The following TIAM1 variants were observed in gnomAD, a reference collection of about 807,000 sequenced individuals.
TIAM1 encodes the protein rho guanine nucleotide exchange factor TIAM1.
A neutral mutation model predicts 163.5 loss-of-function variants in TIAM1; 65 were observed. That is an observed-to-expected ratio of 0.40 (90% CI 0.33 to 0.49). TIAM1 has a LOEUF of 0.49. TIAM1 is among the 20% of genes least tolerant of loss of function. TIAM1 has a pLI of 0.77. For missense variants in TIAM1, 1,789 were observed against 2,044.7 expected (o/e 0.87, Z 2.41); for synonymous variants, 833 against 810.1 (o/e 1.03, Z -0.48).
At chr21:31,408,671 T>A (rs980182212) in intron 2 of TIAM1, among the ~76,000 whole-genome samples, 11 of 152,352 alleles carry the variant, frequency 7.2e-5, no homozygotes, top group African/African-American at 2.2e-4. Context: ...AGCAAATTCC[T>A]ATTCTTAATA....
intron 22 of TIAM1, among the ~76,000 whole-genome samples, chr21:31,137,806 C>G (rs1410627461): frequency 6.6e-6 from 1 of 150,862 alleles, no homozygotes; most frequent in Non-Finnish European, 1.5e-5. Flanking sequence ...AAGGAAGAGA[C>G]AAGGAGCACA....
intron 2 of TIAM1, among the ~76,000 whole-genome samples, chr21:31,414,909 A>C (rs1326286965): frequency 1.3e-5 from 2 of 152,206 alleles, no homozygotes; most frequent in Admixed American, 1.3e-4. Context: ...ACTGATTTGA[A>C]ATCATCACGC....
intron 2 of TIAM1, among the ~76,000 whole-genome samples, chr21:31,279,744 G>A (rs559850119): frequency 4.1e-4 from 63 of 152,190 alleles, no homozygotes; most frequent in African/African-American, 1.5e-3. Context: ...CCCTATCTCA[G>A]GATCGGTTCT....
At chr21:31,385,700 T>G (rs1330457531) in intron 2 of TIAM1, among the ~76,000 whole-genome samples, 1 of 143,280 alleles carries the variant, frequency 7.0e-6, no homozygotes, top group African/African-American at 2.6e-5. Context: ...TTAAAAAATA[T>G]ACTGCACTGG....
chr21:31,181,968 G>C (rs1055970567), intron 15 of TIAM1, among the ~76,000 whole-genome samples: 28 of 146,580 alleles, frequency 1.9e-4, no homozygotes, highest in Admixed American at 5.5e-4. Context: ...TTTTTTTGGA[G>C]AGATAGAGTC....
chr21:31,528,514 A>G (rs1343705448), intron 1 of TIAM1, among the ~76,000 whole-genome samples: 1 of 151,694 alleles, frequency 6.6e-6, no homozygotes, highest in African/African-American at 2.4e-5. Flanking sequence ...ATAAAAATTA[A>G]AATAAATAGG....
intron 15 of TIAM1, among the ~76,000 whole-genome samples, chr21:31,180,894 G>A (rs1357853489): frequency 6.6e-6 from 1 of 152,250 alleles, no homozygotes; most frequent in African/African-American, 2.4e-5. Context: ...TCAATTTTCT[G>A]AAGCTTCAAC....
intron 1 of TIAM1, among the ~76,000 whole-genome samples, chr21:31,526,304 A>C (rs1281950219): frequency 6.6e-6 from 1 of 152,198 alleles, no homozygotes; most frequent in African/African-American, 2.4e-5. Flanking sequence ...CAAGCAGCAA[A>C]ACTAAAAGAG....
At chr21:31,245,039 T>C (rs1287604276) in intron 6 of TIAM1, among the ~76,000 whole-genome samples, 1 of 152,194 alleles carries the variant, frequency 6.6e-6, no homozygotes, top group Non-Finnish European at 1.5e-5. Flanking sequence ...GTTTAGGTGA[T>C]GCCAGTCATT....
At chr21:31,125,082 C>T (rs953258050) in intron 26 of TIAM1, among the ~76,000 whole-genome samples, 5 of 152,066 alleles carry the variant, frequency 3.3e-5, no homozygotes, top group Non-Finnish European at 4.4e-5. Flanking sequence ...ACCCAAAGGC[C>T]GACGTCTCAA....
intron 3 of TIAM1, among the ~76,000 whole-genome samples, chr21:31,270,002 C>A (rs2072986982): frequency 6.6e-6 from 1 of 152,108 alleles, no homozygotes; most frequent in African/African-American, 2.4e-5. Context: ...TTTCCATGTA[C>A]AAATGTAAAA....
intron 11 of TIAM1, among the ~76,000 whole-genome samples, chr21:31,206,339 T>C (rs1035922475): frequency 2.6e-5 from 4 of 152,222 alleles, no homozygotes; most frequent in Non-Finnish European, 4.4e-5. Context: ...CTTAGATACC[T>C]GTTAGTCAAT....
intron 6 of TIAM1, among the ~76,000 whole-genome samples, chr21:31,242,860 C>CAAA (rs11417948): frequency 1.1e-4 from 10 of 95,012 alleles, no homozygotes; most frequent in East Asian, 2.8e-4. Context: ...GACTCTGTCT[C>CAAA]AAAAAAAAAA....
chr21:31,250,594 C>A (rs1200016773), intron 5 of TIAM1, among the ~76,000 whole-genome samples: 3 of 152,202 alleles, frequency 2.0e-5, no homozygotes, highest in African/African-American at 7.2e-5. Context: ...AATCCAGTAT[C>A]GAACGGTCTA....
intron 27 of TIAM1, among the ~76,000 whole-genome samples, chr21:31,121,991 A>G (rs930977852): frequency 1.3e-5 from 2 of 152,178 alleles, no homozygotes; most frequent in African/African-American, 4.8e-5. Flanking sequence ...TAAGCCCCAG[A>G]ACCATCCAAT....
intron 1 of TIAM1, among the ~76,000 whole-genome samples, chr21:31,510,353 A>G (rs1479534079): frequency 6.6e-6 from 1 of 152,162 alleles, no homozygotes; most frequent in Non-Finnish European, 1.5e-5. Flanking sequence ...TCATAAGGAC[A>G]ACGGTCAGAT....
At chr21:31,343,646 T>A (rs575481162) in intron 1 of TIAM1, among the ~76,000 whole-genome samples, 3 of 152,152 alleles carry the variant, frequency 2.0e-5, no homozygotes, top group Non-Finnish European at 2.9e-5. Flanking sequence ...AGCTTCTGAA[T>A]ATTCCTTCGG....
intron 13 of TIAM1, among the ~76,000 whole-genome samples, chr21:31,190,546 G>C (rs1023833716): frequency 4.6e-5 from 7 of 152,082 alleles, no homozygotes; most frequent in Non-Finnish European, 7.4e-5. Context: ...CAGATAACAA[G>C]CACAGGCACC....
chr21:31,391,064 C>T (rs549818218), intron 2 of TIAM1, among the ~76,000 whole-genome samples: 2 of 152,188 alleles, frequency 1.3e-5, no homozygotes, highest in East Asian at 3.9e-4. Context: ...CTTCTAGGGG[C>T]TCTTTCTTAG....
Sources: allele counts gnomAD v4.1 joint callset (sites outside exome capture counted in the v4.1 genomes callset), GRCh38; gene constraint gnomAD v4.1.1; transcripts MANE v1.5; gene names NCBI Gene and HGNC (gene_info 2026-07-23, HGNC 2026-07-21).